ADAMTS7: variants seen among roughly 807,000 people sequenced by gnomAD.
ADAMTS7 encodes ADAM metallopeptidase with thrombospondin type 1 motif 7, also known as A disintegrin and metalloproteinase with thrombospondin motifs 7.
Under a neutral mutation model 172.6 loss-of-function variants are expected in ADAMTS7, and 89 were observed. The ratio of observed to expected loss-of-function variants is 0.52; its 90% confidence interval spans 0.43 to 0.61. The LOEUF is 0.61. ADAMTS7 is among the 20% of genes least tolerant of loss of function. The probability of loss-of-function intolerance (pLI) is 0.00; values close to 1 mark genes in which losing one functional copy is unlikely to be tolerated. For missense variants in ADAMTS7, 1,973 were observed against 2,355.6 expected, an observed-to-expected ratio of 0.84 and a Z score of 3.36; for synonymous variants, 885 against 978.4, an observed-to-expected ratio of 0.90 and a Z score of 1.78.
At position 78,791,211 on chromosome 15, in the gene ADAMTS7, A is replaced by G. The variant is rs762431962; in HGVS notation, c.832T>C (p.Phe278Leu). ...LTIMNMVAGL[F>L]HDPSIGNPIH... The stretch of plus-strand genomic sequence containing the variant: ...GGGTTCCCAATGCTGGGGTCATGAA[A>G]CAGGCCAGCCACCTGCCCAAGAGAT... The change falls in exon 5 of 24, where the codon TTT (phenylalanine) becomes CTT (leucine). Residue 278 changes from phenylalanine (F) to leucine (L), a missense_variant. Coordinates refer to ENST00000388820, the MANE Select transcript of ADAMTS7 (RefSeq NM_014272.5). 6.2e-7 allele frequency: 1 copy of G among 1,613,034 alleles called. No homozygotes were observed. Among genetic ancestry groups the G allele is most frequent in the Non-Finnish European group, 8.5e-7 (1 of 1,179,556 alleles).
At position 78,764,711 on chromosome 15, in the gene ADAMTS7, C is replaced by T. The variant is rs552953251; in HGVS notation, c.4267-4G>A. ...CCAGGCCACAGGTGGTAGAGCACTGCGGGGCAGAGACCCGTGAAAGCCAGG... is the reference window on the plus strand; with the variant it reads ...CCAGGCCACAGGTGGTAGAGCACTGTGGGGCAGAGACCCGTGAAAGCCAGG... On this transcript the variant is annotated splice_polypyrimidine_tract_variant and splice_region_variant and intron_variant, in intron 19 of 23. Transcript: ENST00000388820. 33 of 1,506,716 alleles carry T rather than the reference C, an allele frequency of 2.2e-5. No homozygotes were observed. The Middle Eastern group carries it at 7.2e-4, about 33-fold the overall frequency. The allele number at this position is 1,506,716 out of a possible 1,614,324, so 93.3% of individuals were successfully genotyped here.
intron 1 of ADAMTS7, among the ~76,000 whole-genome samples, chr15:78,802,996 C>CA (rs1330398174): frequency 1.3e-5 from 2 of 151,354 alleles, no homozygotes; most frequent in Non-Finnish European, 2.9e-5. Context: ...GACCCTGCCA[C>CA]AAAAAAATAA....
Position 78,800,512 on chromosome 15 carries a change from C to T in ADAMTS7, c.136G>A (p.Val46Met), listed in dbSNP as rs1260207113. Residue 46 changes from valine to methionine, a missense_variant, in exon 2 of 24, where the codon GTG becomes ATG. Around this residue, in one of 8 missense-constraint regions of ADAMTS7, gnomAD observed 306 missense variants for 288.0 expected, o/e 1.06. Coordinates refer to ENST00000388820, the MANE Select transcript of ADAMTS7 (RefSeq NM_014272.5). ...CCCGCGTCGACTCGAACCGGGTGCA[C>T]GATGTCCAGTGCCGCCCGGCCCTCG... ...ATEGRAALDI[V>M]HPVRVDAGGS... 2 of 1,606,346 alleles carry T rather than the reference C, an allele frequency of 1.2e-6. No homozygotes were observed. Among genetic ancestry groups the T allele is most frequent in the Non-Finnish European group, 1.7e-6 (2 of 1,177,054 alleles).
chr15:78,761,346 G>A (rs2055039923), intron 23 of ADAMTS7, among the ~76,000 whole-genome samples: 1 of 152,222 alleles, frequency 6.6e-6, no homozygotes, highest in South Asian at 2.1e-4. Context: ...TAGGGGCAGG[G>A]AGCAGACAGC....
chr15:78,762,826 G>A (rs1268869955), intron 22 of ADAMTS7, among the ~76,000 whole-genome samples: 1 of 152,222 alleles, frequency 6.6e-6, no homozygotes, highest in Non-Finnish European at 1.5e-5. Context: ...GGGGCGGCAG[G>A]GCAGTGAGCC....
intron 1 of ADAMTS7, among the ~76,000 whole-genome samples, chr15:78,807,874 T>C (rs977438606): frequency 2.9e-5 from 2 of 69,242 alleles, no homozygotes; most frequent in African/African-American, 6.9e-5. Flanking sequence ...TATTTATTTC[T>C]TTTTTTTTTT....
At chr15:78,784,825 A>T (rs1375754237) in intron 8 of ADAMTS7, among the ~76,000 whole-genome samples, 1 of 152,224 alleles carries the variant, frequency 6.6e-6, no homozygotes, top group Non-Finnish European at 1.5e-5. Context: ...AAGAAGAGTC[A>T]CTTCCAACCC....
intron 22 of ADAMTS7, among the ~76,000 whole-genome samples, chr15:78,763,298 G>T (rs968504563): frequency 3.3e-5 from 5 of 152,192 alleles, no homozygotes; most frequent in South Asian, 2.1e-4. Context: ...TTCCAAACAG[G>T]CCCAGCAGAA....
In ADAMTS7 at chr15:78,771,932, G is replaced by A; in HGVS notation, c.2132-103C>T. Reference sequence around the variant, plus strand: ...TCCCCACTTGCCTCCGCCTGCTGATGCCAAAGCTTTAAAGTCTGAGCTCCC... The same window carrying A: ...TCCCCACTTGCCTCCGCCTGCTGATACCAAAGCTTTAAAGTCTGAGCTCCC... On this transcript the variant is annotated intron_variant, in intron 14 of 23. Coordinates refer to ENST00000388820, the MANE Select transcript of ADAMTS7 (RefSeq NM_014272.5). The surrounding 1 kb of genome is among the most constrained non-coding windows in gnomAD (Gnocchi z 4.9). 1 of 1,484,824 alleles carries A rather than the reference G, an allele frequency of 6.7e-7. No individual in the cohort carries two copies. The highest frequency in any genetic ancestry group is 9.0e-7 in the Non-Finnish European group (1 of 1,109,562). 92.0% of individuals were successfully genotyped at this position (1,484,824 alleles called of 1,614,324 possible). A position where few individuals can be genotyped will look rare whatever the true frequency, so the allele number is the denominator to read the frequency against.
Position 78,766,108 on chromosome 15 carries a change from C to T in ADAMTS7, c.3803G>A (p.Trp1268Ter). 1 of 1,611,094 alleles carries T rather than the reference C, an allele frequency of 6.2e-7. No individual in the cohort carries two copies. Reference protein sequence around the residue: ...AELWTGGTVAWEPALEGGLGP... With the variant: ...AELWTGGTVA ...CAGGCCACCCTCCAGAGCTGGCTCC[C>T]AGGCCACTGTGCCTCCTGTCCACAG... is the stretch of plus-strand genomic sequence containing the variant. The change falls in exon 19 of 24, where the codon TGG (tryptophan) becomes TAG (stop). Residue 1268 changes from tryptophan to a stop codon, truncating the protein, a stop_gained. Transcript: ENST00000388820. LOFTEE classifies it high-confidence loss of function.
At chr15:78,803,928 T>C (rs756597452) in intron 1 of ADAMTS7, among the ~76,000 whole-genome samples, 1 of 152,224 alleles carries the variant, frequency 6.6e-6, no homozygotes, top group Middle Eastern at 3.2e-3. Flanking sequence ...GTTGAGAGAT[T>C]ACAAAAAGTA....
intron 4 of ADAMTS7, among the ~76,000 whole-genome samples, chr15:78,795,280 C>A (rs913616273): frequency 6.6e-6 from 1 of 152,198 alleles, no homozygotes; most frequent in African/African-American, 2.4e-5. Context: ...TGGCTCCCCT[C>A]CCTGGGCAGA....
intron 10 of ADAMTS7, 25 bp from the exon 11 acceptor site, chr15:78,776,358 C>T (rs1475665174): frequency 1.8e-5 from 29 of 1,601,288 alleles, no homozygotes; most frequent in Non-Finnish European, 2.0e-5. Flanking sequence ...GGAGGTAGAG[C>T]CACCCCACCC....
chr15:78,765,017 C>G (rs1383065745), intron 19 of ADAMTS7: 2 of 310,868 alleles, frequency 6.4e-6, no homozygotes, highest in African/African-American at 2.2e-5. Context: ...TCTTGACCAG[C>G]CTCGTCGCTT....
At chr15:78,780,378 TCCCCTGGCCA>T (rs1021526068) in intron 8 of ADAMTS7, among the ~76,000 whole-genome samples, 3 of 152,036 alleles carry the variant, frequency 2.0e-5, no homozygotes, top group African/African-American at 4.8e-5. Flanking sequence ...GGGGGCCCGC[TCCCCTGGCCA>T]CCCCTGGCCA....
At chr15:78,784,366 G>T (rs2055472316) in intron 8 of ADAMTS7, among the ~76,000 whole-genome samples, 1 of 107,394 alleles carries the variant, frequency 9.3e-6, no homozygotes, top group African/African-American at 3.6e-5. Flanking sequence ...CTCAAAGAAA[G>T]AAAGAAAGAC....
At chr15:78,782,404 T>C (rs1294497834) in intron 8 of ADAMTS7, among the ~76,000 whole-genome samples, 1 of 114,504 alleles carries the variant, frequency 8.7e-6, no homozygotes, top group Non-Finnish European at 1.7e-5. Context: ...TACTCCCTCT[T>C]CCACTGGAGG....
At position 78,774,610 on chromosome 15, in the gene ADAMTS7, G is replaced by A; in HGVS notation, c.1876+14C>T. On this transcript the variant is annotated intron_variant, in intron 12 of 23. Coordinates refer to ENST00000388820, the MANE Select transcript of ADAMTS7 (RefSeq NM_014272.5). The stretch of plus-strand genomic sequence containing the variant: ...CCTCTAAGCCTCAATGTCTCCATGG[G>A]GGGCAGCACTCACCGTCATTGACCA... The A allele has an allele frequency of 1.2e-6, 2 of 1,611,590 alleles. No homozygotes were observed. The highest frequency in any genetic ancestry group is 1.7e-6 in the Non-Finnish European group (2 of 1,179,770).
chr15:78,802,122 C>T (rs2055733860), intron 1 of ADAMTS7, among the ~76,000 whole-genome samples: 2 of 152,210 alleles, frequency 1.3e-5, no homozygotes, highest in African/African-American at 2.4e-5. Flanking sequence ...CAGGTGTGAG[C>T]CACCACACTT....
Sources: allele counts gnomAD v4.1 joint callset (sites outside exome capture counted in the v4.1 genomes callset), GRCh38; gene constraint gnomAD v4.1.1; regional missense constraint gnomAD v4.1.1; non-coding constraint Gnocchi (gnomAD v3.1); transcripts MANE v1.5; gene names NCBI Gene and HGNC (gene_info 2026-07-23, HGNC 2026-07-21).